The following CYP4B1 variants were observed in gnomAD, a reference collection of about 807,000 sequenced individuals.
CYP4B1 encodes the protein cytochrome P450 family 4 subfamily B member 1, also known as cytochrome P450 4B1.
CYP4B1 carries 45 observed loss-of-function variants against 54.0 expected under a neutral mutation model. That is an observed-to-expected ratio of 0.83 (90% confidence interval 0.66 to 1.07). CYP4B1 has a LOEUF of 1.07. Among genes scored for constraint, CYP4B1 ranks in the 50% least tolerant of loss-of-function variants. The pLI is 0.00. For synonymous variants in CYP4B1, 248 were observed against 247.5 expected (o/e 1.00, Z -0.02); for missense variants, 656 against 655.4 (o/e 1.00, Z -0.01).
rs748200972 is a variant in CYP4B1, at chr1:46,811,127, TCTC to T, written c.323-7_323-5del. The T allele has an allele frequency of 6.2e-7, 1 of 1,614,046 alleles. No individual in the cohort carries two copies. Among genetic ancestry groups the T allele is most frequent in the East Asian group, 2.2e-5 (1 of 44,870 alleles). On this transcript the variant is annotated splice_polypyrimidine_tract_variant and intron_variant, in intron 2 of 11. Transcript: ENST00000371923. ...CCCGGGTCCCTGCTTGACCTGATTG[TCTC>T]CTCCTGCAGACCCTAAGGCCCCTGA...
chr1:46,811,374 T>A (rs1204101252), intron 3 of CYP4B1, among the ~76,000 whole-genome samples, 190 bp downstream of exon 3: 3 of 152,234 alleles, frequency 2.0e-5, no homozygotes, highest in African/African-American at 7.2e-5. Flanking sequence ...GGCCAAGGCA[T>A]CTTCTCTGGC....
At chr1:46,808,632 G>A (rs952831367) in intron 1 of CYP4B1, among the ~76,000 whole-genome samples, 2 of 151,788 alleles carry the variant, frequency 1.3e-5, no homozygotes, top group African/African-American at 4.8e-5. Flanking sequence ...TATACCCAAA[G>A]GACTATAAAT....
At chr1:46,811,085 G>GAGC (rs1679081366) in intron 2 of CYP4B1, 55 bp from the exon 3 acceptor site, 6 of 1,609,174 alleles carry the variant, frequency 3.7e-6, no homozygotes, top group Non-Finnish European at 4.3e-6. Flanking sequence ...ACTCATAAAT[G>GAGC]AGCCTCCTCT....
chr1:46,813,970 G>C lies in CYP4B1; in HGVS notation c.682G>C (p.Val228Leu), dbSNP rs767284537. 1 of 1,614,148 alleles carries C rather than the reference G, an allele frequency of 6.2e-7. No individual in the cohort carries two copies. The highest frequency in any genetic ancestry group is 8.5e-7 in the Non-Finnish European group (1 of 1,180,016). ...CACTCTGTTGATGCAGCAGCGCCTTGTGTCCTTCCAGTACCATAATGACTT... is the reference window on the plus strand; with the variant it reads ...CACTCTGTTGATGCAGCAGCGCCTTCTGTCCTTCCAGTACCATAATGACTT... The part of the protein sequence containing the change: ...DLTLLMQQRL[V>L]SFQYHNDFIY... The change falls in exon 6 of 12, where the codon GTG becomes CTG. Residue 228 changes from valine (V) to leucine (L), a missense_variant. By Grantham distance (32) the Val-to-Leu change is conservative. Coordinates refer to ENST00000371923, the MANE Select transcript of CYP4B1 (RefSeq NM_001099772.2).
rs1213098133 is a variant in CYP4B1, at chr1:46,819,155, A to T, written c.*341A>T. 1 of 201,816 alleles carries T rather than the reference A, an allele frequency of 5.0e-6. No homozygotes were observed. Among genetic ancestry groups the T allele is most frequent in the East Asian group, 1.2e-4 (1 of 8,044 alleles). 12.5% of individuals were successfully genotyped at this position (201,816 alleles called of 1,614,324 possible). ...CCAACCTTAGAGACTCATAGTGAGC[A>T]CAAGGAAAGTTTTGCCCTGAGATTC... On this transcript the variant is annotated 3_prime_UTR_variant, in exon 12 of 12. Transcript: ENST00000371923.
intron 3 of CYP4B1, 84 bp downstream of exon 3, chr1:46,811,268 T>C (rs2148405017): frequency 1.4e-6 from 2 of 1,415,936 alleles, no homozygotes; most frequent in Admixed American, 1.7e-5. Flanking sequence ...TCCCACTCAA[T>C]TGGTTATCCC....
chr1:46,809,141 CA>C (rs1342484523), intron 1 of CYP4B1, among the ~76,000 whole-genome samples: 1 of 145,884 alleles, frequency 6.9e-6, no homozygotes, highest in Non-Finnish European at 1.5e-5. Context: ...AAAAAACAAA[CA>C]AAAAACAAAA....
intron 1 of CYP4B1, among the ~76,000 whole-genome samples, chr1:46,799,534 C>G (rs1380056993): frequency 6.6e-6 from 1 of 152,178 alleles, no homozygotes; most frequent in Non-Finnish European, 1.5e-5. Flanking sequence ...AAGTTTGGAC[C>G]AGGTTCTGCT....
chr1:46,815,230 C>T lies in CYP4B1; in HGVS notation c.1039C>T (p.Arg347Cys), dbSNP rs56180718. 33 of 1,585,252 alleles carry T rather than the reference C, an allele frequency of 2.1e-5. No homozygotes were observed. Among genetic ancestry groups the T allele is most frequent in the Admixed American group, 1.4e-4 (8 of 57,348 alleles). Residue 347 changes from arginine (R) to cysteine (C), a missense_variant, in exon 8 of 12, where the codon CGC becomes TGC. Transcript: ENST00000371923. ...CCAGCATCGTTGTAGAGAGGAGGTC[C>T]GCGAGATCCTAGGGGACCAGGACTT... ...EHQHRCREEV[R>C]EILGDQDFFQ...
chr1:46,800,538 C>T (rs1678616736), intron 1 of CYP4B1, among the ~76,000 whole-genome samples: 1 of 151,984 alleles, frequency 6.6e-6, no homozygotes, highest in Non-Finnish European at 1.5e-5. Flanking sequence ...CTATGTTGGG[C>T]AGGCTGGTCT....
chr1:46,811,256 T>C lies in CYP4B1; in HGVS notation c.367+72T>C, dbSNP rs1052342249. On this transcript the variant is annotated intron_variant, in intron 3 of 11. Coordinates refer to ENST00000371923, the MANE Select transcript of CYP4B1 (RefSeq NM_001099772.2). ...GTGCTGGGTGACTAGGATCCTGGCC[T>C]GTCCCACTCAATTGGTTATCCCAGA... The C allele has an allele frequency of 2.7e-6, 4 of 1,492,856 alleles. No individual in the cohort carries two copies. The African/African-American group carries it at 4.2e-5, about 16-fold the overall frequency. 92.5% of individuals were successfully genotyped at this position (1,492,856 alleles called of 1,614,324 possible). A position where few individuals can be genotyped will look rare whatever the true frequency, so the allele number is the denominator to read the frequency against.
chr1:46,802,517 C>T (rs1044551510), intron 1 of CYP4B1, among the ~76,000 whole-genome samples: 7 of 152,194 alleles, frequency 4.6e-5, no homozygotes, highest in African/African-American at 9.7e-5. Context: ...GGCAGATAAA[C>T]GTCAGGTGTT....
At position 46,810,915 on chromosome 1, in the gene CYP4B1, G is replaced by T. The variant is rs187612663; in HGVS notation, c.288G>T (p.Glu96Asp). Residue 96 changes from glutamate to aspartate, a missense_variant, in exon 2 of 12, where the codon GAG becomes GAT. Glu to Asp is a conservative substitution (Grantham distance 45). Coordinates refer to ENST00000371923, the MANE Select transcript of CYP4B1 (RefSeq NM_001099772.2). ...GQFIGFLNIY[E>D]PDYAKAVYSR... ...TCATTGGCTTCCTGAACATCTATGA[G>T]CCTGACTATGCCAAAGCTGTGTACA... The T allele has an allele frequency of 5.0e-6, 8 of 1,614,124 alleles. No individual in the cohort carries two copies. The highest frequency in any genetic ancestry group is 5.1e-6 in the Non-Finnish European group (6 of 1,180,026).
intron 3 of CYP4B1, 161 bp from the exon 4 acceptor site, chr1:46,812,335 C>A (rs969694664): frequency 2.5e-6 from 2 of 785,808 alleles, no homozygotes; most frequent in East Asian, 2.7e-5. Context: ...CTCCTGAGGT[C>A]CTGGTAGCCT....
chr1:46,815,139 A>C lies in CYP4B1; in HGVS notation c.948A>C (p.Glu316Asp). The C allele has an allele frequency of 6.2e-7, 1 of 1,614,232 alleles. No homozygotes were observed. Among genetic ancestry groups the C allele is most frequent in the Non-Finnish European group, 8.5e-7 (1 of 1,180,030 alleles). ...LRAEVDTFMF[E>D]GHDTTTSGIS... ...CTGAAGTGGACACATTCATGTTTGA[A>C]GGCCATGACACCACCACCAGTGGTA... The change falls in exon 8 of 12, where the codon GAA (glutamate) becomes GAC (aspartate). Residue 316 changes from glutamate to aspartate, a missense_variant. By Grantham distance (45) the Glu-to-Asp change is conservative. Transcript: ENST00000371923.
chr1:46,799,387 A>G (rs1678520572), intron 1 of CYP4B1, 126 bp downstream of exon 1: 7 of 849,854 alleles, frequency 8.2e-6, no homozygotes, highest in Non-Finnish European at 1.3e-5. Flanking sequence ...ATGTCCTGGG[A>G]TCCATGGCTT....
At chr1:46,813,452 T>G in intron 4 of CYP4B1, 30 bp from the exon 5 acceptor site, 2 of 1,613,888 alleles carry the variant, frequency 1.2e-6, no homozygotes, top group Non-Finnish European at 1.7e-6. Context: ...CATCGCCTCC[T>G]ACACATTGCC....
At chr1:46,801,276 C>T (rs931379465) in intron 1 of CYP4B1, among the ~76,000 whole-genome samples, 1 of 152,170 alleles carries the variant, frequency 6.6e-6, no homozygotes, top group Non-Finnish European at 1.5e-5. Flanking sequence ...TAAAAGGGTA[C>T]AAGAGGTATT....
intron 1 of CYP4B1, among the ~76,000 whole-genome samples, chr1:46,802,745 T>A (rs761584931): frequency 6.6e-6 from 1 of 152,036 alleles, no homozygotes; most frequent in African/African-American, 2.4e-5. Flanking sequence ...AGGAACTAGG[T>A]CTGTAGGAGA....
Sources: allele counts gnomAD v4.1 joint callset (sites outside exome capture counted in the v4.1 genomes callset), GRCh38; gene constraint gnomAD v4.1.1; transcripts MANE v1.5; gene names NCBI Gene and HGNC (gene_info 2026-07-23, HGNC 2026-07-21).